GALNT17: variants seen among roughly 807,000 people sequenced by gnomAD.
GALNT17 encodes UDP-GalNAc:polypeptide N-acetylgalactosaminyltransferase-like 3.
In GALNT17, 29 loss-of-function variants were observed where a neutral mutation model predicts 63.7. The ratio of observed to expected loss-of-function variants is 0.46; its 90% CI spans 0.34 to 0.62. The LOEUF is 0.62. Among genes scored for constraint, GALNT17 ranks in the 20% least tolerant of loss-of-function variants. The pLI is 0.01. For synonymous variants in GALNT17, 305 were observed against 318.3 expected (o/e 0.96, Z 0.45); for missense variants, 603 against 799.6 (o/e 0.75, Z 2.97).
At chr7:71,196,964 T>A (rs1202654) in intron 1 of GALNT17, among the ~76,000 whole-genome samples, 51,162 of 151,140 alleles carry the variant, frequency 0.34, 10,248 homozygotes, top group African/African-American at 0.56. Context: ...AATTTTTTTT[T>A]AAAAAATTTA....
intron 2 of GALNT17, among the ~76,000 whole-genome samples, chr7:71,359,056 A>G (rs1249831590): frequency 2.0e-5 from 3 of 152,166 alleles, no homozygotes; most frequent in African/African-American, 4.8e-5. Context: ...ATTTGCTTCC[A>G]TTCATTAATT....
chr7:71,518,034 A>C (rs1254183544), intron 5 of GALNT17, among the ~76,000 whole-genome samples: 1 of 152,164 alleles, frequency 6.6e-6, no homozygotes, highest in African/African-American at 2.4e-5. Flanking sequence ...TGGTCTGGGA[A>C]CTAGATGCCA....
intron 3 of GALNT17, among the ~76,000 whole-genome samples, chr7:71,400,709 T>C (rs1277819115): frequency 1.3e-5 from 2 of 152,236 alleles, no homozygotes; most frequent in African/African-American, 2.4e-5. Flanking sequence ...TAGTAAGTCC[T>C]TTAACCACCG....
chr7:71,142,887 G>T (rs529053405), intron 1 of GALNT17, among the ~76,000 whole-genome samples: 41 of 151,842 alleles, frequency 2.7e-4, no homozygotes, highest in Non-Finnish European at 5.3e-4. Context: ...GTTGCCATGG[G>T]CCGAGATTGT....
At chr7:71,266,501 C>T (rs1790494645) in intron 1 of GALNT17, among the ~76,000 whole-genome samples, 1 of 152,112 alleles carries the variant, frequency 6.6e-6, no homozygotes, top group Admixed American at 6.5e-5. Flanking sequence ...TTTAAGTTTC[C>T]TGAGCTTCTG....
Position 71,588,572 on chromosome 7 carries a change from T to A in GALNT17, c.1080+17170T>A, listed in dbSNP as rs538511122. On this transcript the variant is annotated intron_variant, in intron 6 of 10. Coordinates refer to ENST00000333538, the MANE Select transcript of GALNT17 (RefSeq NM_022479.3). ...GTCAGTTAACTAAACTCAGTTGACC[T>A]AAAATTTTAGCATTCTTTAGGTATT... Among the ~76,000 whole-genome samples the A allele has an allele frequency of 2.0e-5, 3 of 152,336 alleles. No individual in the cohort carries two copies. The East Asian group carries it at 5.8e-4, about 29-fold the overall frequency.
At position 71,388,746 on chromosome 7, in the gene GALNT17, C is replaced by T. The variant is rs187855560; in HGVS notation, c.589+345C>T. The stretch of plus-strand genomic sequence containing the variant: ...TTCACCATGTTGGCCAGGCTAGTCT[C>T]GAACTCCTGAACTCAGGTGATCCGC... On this transcript the variant is annotated intron_variant, in intron 3 of 10. Transcript: ENST00000333538. Among the ~76,000 whole-genome samples, 419 of 152,174 alleles carry T rather than the reference C, an allele frequency of 2.8e-3. 2 individuals are homozygous for T. The highest frequency in any genetic ancestry group is 9.6e-3 in the African/African-American group (400 of 41,530).
Position 71,593,259 on chromosome 7 carries a change from C to CTT in GALNT17, c.1080+21880_1080+21881dup, listed in dbSNP as rs56193714. Reference sequence around the variant, plus strand: ...GATAGATTTACCAATATTTTTCTTCCTTTTTTTTTTTTTTTTTTTTTTTTG... The same window carrying CTT: ...GATAGATTTACCAATATTTTTCTTCCTTTTTTTTTTTTTTTTTTTTTTTTTTG... On this transcript the variant is annotated intron_variant, in intron 6 of 10. Coordinates refer to ENST00000333538, the MANE Select transcript of GALNT17 (RefSeq NM_022479.3). 7.3e-3 allele frequency among the ~76,000 whole-genome samples: 517 copies of CTT among 71,018 alleles called. 49 individuals carry two copies. The highest frequency in any genetic ancestry group is 0.022 in the African/African-American group (394 of 17,904). The allele number at this position is 71,018 out of a possible 152,430, so 46.6% of individuals were successfully genotyped here.
At chr7:71,161,620 T>C (rs1788343521) in intron 1 of GALNT17, among the ~76,000 whole-genome samples, 1 of 152,186 alleles carries the variant, frequency 6.6e-6, no homozygotes, top group Non-Finnish European at 1.5e-5. Flanking sequence ...TGAAAAAATA[T>C]TCAGATTTTT....
chr7:71,244,307 T>A (rs1040644233), intron 1 of GALNT17, among the ~76,000 whole-genome samples: 2 of 152,226 alleles, frequency 1.3e-5, no homozygotes, highest in Non-Finnish European at 2.9e-5. Flanking sequence ...TGATTGACAC[T>A]AAGACATTTC....
intron 4 of GALNT17, among the ~76,000 whole-genome samples, chr7:71,419,887 G>T (rs73363749): frequency 0.045 from 6,823 of 152,258 alleles, 545 homozygotes; most frequent in African/African-American, 0.16. Context: ...ATGGCCCAGG[G>T]TATATTTTAT....
intron 1 of GALNT17, among the ~76,000 whole-genome samples, chr7:71,153,241 A>C (rs1788165855): frequency 6.6e-6 from 1 of 152,224 alleles, no homozygotes; most frequent in African/African-American, 2.4e-5. Flanking sequence ...TCTGGAAAAC[A>C]GTAGCTACTC....
At chr7:71,438,162 G>C (rs1215875096) in intron 5 of GALNT17, among the ~76,000 whole-genome samples, 1 of 152,142 alleles carries the variant, frequency 6.6e-6, no homozygotes, top group East Asian at 1.9e-4. Context: ...TATGTATATG[G>C]GTTTAATAAG....
chr7:71,508,067 G>T (rs1788295746), intron 5 of GALNT17, among the ~76,000 whole-genome samples: 1 of 152,116 alleles, frequency 6.6e-6, no homozygotes, highest in Admixed American at 6.6e-5. Flanking sequence ...TAGTTTCCTT[G>T]CCGTAATGAG....
At chr7:71,566,591 G>A (rs1192438261) in intron 5 of GALNT17, among the ~76,000 whole-genome samples, 5 of 152,088 alleles carry the variant, frequency 3.3e-5, no homozygotes, top group East Asian at 1.9e-4. Flanking sequence ...TCCATAACTC[G>A]GGCAGACTCT....
intron 10 of GALNT17, among the ~76,000 whole-genome samples, chr7:71,711,812 CTCTT>C (rs1393114799): frequency 6.6e-6 from 1 of 150,446 alleles, no homozygotes; most frequent in Non-Finnish European, 1.5e-5. Context: ...TCTATCTTCT[CTCTT>C]TCTCCTCTCT....
chr7:71,137,705 C>G (rs1388141799), intron 1 of GALNT17, among the ~76,000 whole-genome samples: 1 of 152,196 alleles, frequency 6.6e-6, no homozygotes, highest in Non-Finnish European at 1.5e-5. Flanking sequence ...GTCTAGTCTT[C>G]ACCTTCCTGA....
intron 2 of GALNT17, among the ~76,000 whole-genome samples, chr7:71,335,971 C>G (rs1287914012): frequency 1.3e-5 from 2 of 149,082 alleles, no homozygotes; most frequent in South Asian, 2.1e-4. Flanking sequence ...ATACAAAAAG[C>G]TTTGTATTTT....
intron 1 of GALNT17, among the ~76,000 whole-genome samples, chr7:71,251,003 CA>C (rs1251021973): frequency 1.3e-5 from 2 of 152,198 alleles, no homozygotes; most frequent in Non-Finnish European, 2.9e-5. Context: ...AGCATTTCCC[CA>C]ACATGACTTC....
Sources: allele counts gnomAD v4.1 joint callset (sites outside exome capture counted in the v4.1 genomes callset), GRCh38; gene constraint gnomAD v4.1.1; transcripts MANE v1.5; gene names NCBI Gene and HGNC (gene_info 2026-07-23, HGNC 2026-07-21).